The following ARID1B variants were observed in gnomAD, a reference collection of about 807,000 sequenced individuals.
ARID1B encodes AT-rich interaction domain 1B.
ARID1B carries 30 observed loss-of-function variants against 212.3 expected under a neutral mutation model. The observed-to-expected ratio is 0.14, with a 90% CI of 0.11 to 0.19. The LOEUF is 0.19. ARID1B is among the 10% of genes least tolerant of loss of function. The pLI, the probability that ARID1B is intolerant of heterozygous loss-of-function variation, is 1.00. For missense variants in ARID1B, 2,891 were observed against 3,204.0 expected (o/e 0.90, Z 2.36); for synonymous variants, 1,402 against 1,301.7 (o/e 1.08, Z -1.66).
intron 2 of ARID1B, among the ~76,000 whole-genome samples, chr6:156,900,402 A>G (rs287947): frequency 0.19 from 29,211 of 152,028 alleles, 3,162 homozygotes; most frequent in African/African-American, 0.27. Context: ...CAGTATTTCT[A>G]TAGTGGATTT....
At chr6:157,135,675 C>G (rs1167718073) in intron 7 of ARID1B, among the ~76,000 whole-genome samples, 1 of 152,210 alleles carries the variant, frequency 6.6e-6, no homozygotes, top group East Asian at 1.9e-4. Context: ...CTGTCCTCAG[C>G]AAACACTCAG....
intron 4 of ARID1B, chr6:156,985,635 T>C (rs1317265550): frequency 6.6e-6 from 1 of 152,262 alleles, no homozygotes; most frequent in Non-Finnish European, 1.5e-5. Context: ...GTTTTGCTTT[T>C]TATAAACAAC....
chr6:157,028,024 G>A (rs1780771983), intron 4 of ARID1B, among the ~76,000 whole-genome samples: 1 of 152,118 alleles, frequency 6.6e-6, no homozygotes, highest in African/African-American at 2.4e-5. Flanking sequence ...AACTTACCAA[G>A]CTGTAGCATA....
chr6:157,049,409 A>T (rs1007629181), intron 4 of ARID1B, among the ~76,000 whole-genome samples: 3 of 152,140 alleles, frequency 2.0e-5, no homozygotes, highest in Admixed American at 6.5e-5. Context: ...GAGGAACTGG[A>T]GAGAAGTACG....
At chr6:157,147,947 G>A (rs930296329) in intron 7 of ARID1B, among the ~76,000 whole-genome samples, 1 of 66,646 alleles carries the variant, frequency 1.5e-5, no homozygotes, top group African/African-American at 6.2e-5. Context: ...GACCCTGCCC[G>A]CCAGCTCTCC....
rs1287593135 is a variant in ARID1B, at chr6:157,097,456, C to T, written c.2491+12551C>T. ...CACCTTTTGGTCTGGAAAACACGGT[C>T]CCTCGTACCTACAGGGCACAGCAAG... On this transcript the variant is annotated intron_variant, in intron 5 of 19. Coordinates refer to ENST00000636930, the MANE Select transcript of ARID1B (RefSeq NM_001374828.1). Among the ~76,000 whole-genome samples the T allele has an allele frequency of 2.6e-5, 4 of 152,272 alleles. No individual in the cohort carries two copies. In the East Asian group the frequency reaches 7.7e-4, roughly 29 times the overall value.
chr6:157,162,244 G>T (rs539480080), intron 8 of ARID1B, among the ~76,000 whole-genome samples: 1 of 152,334 alleles, frequency 6.6e-6, no homozygotes, highest in South Asian at 2.1e-4. Context: ...TTTAAAACCA[G>T]ATATTTAGAA....
chr6:156,853,150 A>C lies in ARID1B; in HGVS notation c.1986+23729A>C, dbSNP rs573081052. 2.8e-4 allele frequency among the ~76,000 whole-genome samples: 43 copies of C among 152,360 alleles called. No homozygotes were observed. The South Asian group carries it at 8.9e-3, about 32-fold the overall frequency. ...ACTGGATTAGGAATTAGGACTTAAG[A>C]ATTCTAGGTTTAACTCTGTGCTTTA... On this transcript the variant is annotated intron_variant, in intron 2 of 19. Coordinates refer to ENST00000636930, the MANE Select transcript of ARID1B (RefSeq NM_001374828.1).
intron 4 of ARID1B, among the ~76,000 whole-genome samples, chr6:156,993,605 A>G (rs1429532734): frequency 6.6e-6 from 1 of 152,234 alleles, no homozygotes; most frequent in Non-Finnish European, 1.5e-5. Flanking sequence ...CTGATTTTTC[A>G]GACTGGCCAT....
chr6:156,897,252 CTTCTTCTTCTTCTTATTA>C (rs1272729393), intron 2 of ARID1B, among the ~76,000 whole-genome samples: 8 of 96,832 alleles, frequency 8.3e-5, no homozygotes, highest in Non-Finnish European at 1.6e-4. Flanking sequence ...TCTTCTTCTT[CTTCTTCTTCTTCTTATTA>C]TTATTATTAT....
chr6:156,819,605 C>A (rs1402767882), intron 1 of ARID1B, among the ~76,000 whole-genome samples: 1 of 152,200 alleles, frequency 6.6e-6, no homozygotes, highest in Admixed American at 6.5e-5. Flanking sequence ...AAATAGTCTT[C>A]CTTTCTGGAC....
At chr6:156,877,499 C>T (rs1244408652) in intron 2 of ARID1B, among the ~76,000 whole-genome samples, 7 of 143,110 alleles carry the variant, frequency 4.9e-5, no homozygotes, top group Non-Finnish European at 1.1e-4. Flanking sequence ...ATTTATTCAA[C>T]GTCTACTTCA....
chr6:157,032,354 CG>C (rs1254197583), intron 4 of ARID1B, among the ~76,000 whole-genome samples: 3 of 152,160 alleles, frequency 2.0e-5, no homozygotes, highest in East Asian at 1.9e-4. Context: ...CATATTTGTA[CG>C]TTTTTTTCTA....
At chr6:156,966,975 C>T (rs772260237) in intron 4 of ARID1B, among the ~76,000 whole-genome samples, 7 of 152,222 alleles carry the variant, frequency 4.6e-5, no homozygotes, top group Non-Finnish European at 8.8e-5. Flanking sequence ...GCTGGGATTA[C>T]AGGCATGAGC....
chr6:156,777,242 C>G (rs1186950252), upstream of ARID1B: 2 of 150,912 alleles, frequency 1.3e-5, no homozygotes, highest in African/African-American at 4.9e-5. Flanking sequence ...TTAGCCCAAG[C>G]CCGGCTGGGT....
rs1276392288 is a variant in ARID1B, at chr6:157,080,971, C to T, written c.2248-3691C>T. 4.6e-5 allele frequency among the ~76,000 whole-genome samples: 7 copies of T among 152,172 alleles called. No individual in the cohort carries two copies. The South Asian group carries it at 1.0e-3, about 22-fold the overall frequency. Reference sequence around the variant, plus strand: ...TCCGAGTGATGTCAGTTACTGAAAACCCAACTTAATAGCAAGATTTCACCA... The same window carrying T: ...TCCGAGTGATGTCAGTTACTGAAAATCCAACTTAATAGCAAGATTTCACCA... On this transcript the variant is annotated intron_variant, in intron 4 of 19. Coordinates refer to ENST00000636930, the MANE Select transcript of ARID1B (RefSeq NM_001374828.1).
chr6:156,932,521 T>C (rs956385311), intron 3 of ARID1B, among the ~76,000 whole-genome samples: 1 of 152,224 alleles, frequency 6.6e-6, no homozygotes, highest in Non-Finnish European at 1.5e-5. Context: ...GGCAGTAATG[T>C]TTTAAAGTGT....
At chr6:156,871,796 A>G (rs1425805671) in intron 2 of ARID1B, 1 of 958,500 alleles carries the variant, frequency 1.0e-6, no homozygotes, top group African/African-American at 1.6e-5. Context: ...ATCCCTGTGC[A>G]GGTGCATGTC....
At chr6:157,083,590 G>A (rs891524183) in intron 4 of ARID1B, among the ~76,000 whole-genome samples, 1 of 152,070 alleles carries the variant, frequency 6.6e-6, no homozygotes, top group Non-Finnish European at 1.5e-5. Flanking sequence ...CCTCAGTAAC[G>A]TAACCTTCAA....
Sources: allele counts gnomAD v4.1 joint callset (sites outside exome capture counted in the v4.1 genomes callset), GRCh38; gene constraint gnomAD v4.1.1; transcripts MANE v1.5; gene names NCBI Gene and HGNC (gene_info 2026-07-23, HGNC 2026-07-21).